Variants in TTLL9 observed in about 807,000 individuals in gnomAD.
TTLL9 encodes the protein probable tubulin polyglutamylase TTLL9.
TTLL9 carries 47 observed loss-of-function variants against 65.6 expected under a neutral mutation model. The observed-to-expected ratio is 0.72, with a 90% CI of 0.57 to 0.91. The LOEUF (loss-of-function observed/expected upper bound fraction) is 0.91. Among genes scored for constraint, TTLL9 ranks in the 40% least tolerant of loss-of-function variants. The pLI, the probability that TTLL9 is intolerant of heterozygous loss-of-function variation, is 0.00. For synonymous variants in TTLL9, 179 were observed against 204.8 expected, an observed-to-expected ratio of 0.87 and a Z score of 1.07; for missense variants, 537 against 568.8, an observed-to-expected ratio of 0.94 and a Z score of 0.57.
intron 6 of TTLL9, among the ~76,000 whole-genome samples, chr20:31,912,267 C>T (rs566462454): frequency 9.2e-5 from 14 of 152,232 alleles, no homozygotes; most frequent in South Asian, 2.1e-4. Context: ...CTACAGTGCC[C>T]GTGCAGCATC....
In TTLL9 at chr20:31,908,698, A is replaced by G. The variant is rs752145440; in HGVS notation, c.314A>G (p.Tyr105Cys). The change falls in exon 5 of 15, where the codon TAT (tyrosine) becomes TGT (cysteine). Residue 105 changes from tyrosine to cysteine, a missense_variant. Physicochemically the swap from Tyr to Cys is radical, Grantham distance 194. Coordinates refer to ENST00000535842, the MANE Select transcript of TTLL9 (RefSeq NM_001008409.5). ...CGGATCAGTCACTTCCGGAACCACTATGAGGTGAGCTGGGCAGGCGGGAGG... is the reference window on the plus strand; with the variant it reads ...CGGATCAGTCACTTCCGGAACCACTGTGAGGTGAGCTGGGCAGGCGGGAGG... ...HVRISHFRNH[Y>C]ELTRKNYMVK... is the part of the protein sequence containing the mutation. 8 of 1,613,614 alleles carry G rather than the reference A, an allele frequency of 5.0e-6. No homozygotes were observed. The highest frequency in any genetic ancestry group is 1.7e-4 in the Middle Eastern group (1 of 6,060).
At chr20:31,875,532 G>A (rs1384327612) in intron 2 of TTLL9, among the ~76,000 whole-genome samples, 5 of 152,136 alleles carry the variant, frequency 3.3e-5, no homozygotes, top group African/African-American at 1.2e-4. Context: ...TTCCAACTTC[G>A]CCTAATGCTC....
At chr20:31,936,169 C>A (rs1270793493) in intron 12 of TTLL9, among the ~76,000 whole-genome samples, 1 of 152,202 alleles carries the variant, frequency 6.6e-6, no homozygotes, top group Non-Finnish European at 1.5e-5. Context: ...TGGGGTTGAA[C>A]AAGACAAGAG....
chr20:31,908,890 A>G (rs2063601017), intron 5 of TTLL9, among the ~76,000 whole-genome samples, 188 bp downstream of exon 5: 1 of 152,124 alleles, frequency 6.6e-6, no homozygotes. Flanking sequence ...AGGCCTGAGG[A>G]CTGGAGGTCA....
chr20:31,921,972 T>TAA (rs34154431), intron 7 of TTLL9, among the ~76,000 whole-genome samples: 29 of 151,336 alleles, frequency 1.9e-4, no homozygotes, highest in East Asian at 5.8e-4. Context: ...TAAAGTATAA[T>TAA]AAAAAAAAAT....
intron 9 of TTLL9, 78 bp downstream of exon 9, chr20:31,925,127 TG>T: frequency 7.2e-7 from 1 of 1,380,214 alleles, no homozygotes. Context: ...GGAAGAGGCC[TG>T]GGGGTACCTT....
intron 3 of TTLL9, among the ~76,000 whole-genome samples, chr20:31,893,295 T>C (rs1434156341): frequency 2.0e-5 from 3 of 149,804 alleles, no homozygotes; most frequent in Non-Finnish European, 4.5e-5. Flanking sequence ...CTTTTTCTTT[T>C]TTTTTTTTTT....
At position 31,939,149 on chromosome 20, in the gene TTLL9, GGAAGGGA is replaced by G; in HGVS notation, c.1131_1137del (p.Arg377SerfsTer31). On this transcript the variant is annotated frameshift_variant, in exon 14 of 15. Transcript: ENST00000535842. LOFTEE classifies it high-confidence loss of function. ...GGCCTCCTTCCTGTCCAGGCTCACG[GGAAGGGA>G]GAAGCGAGTCGGGGGCTTTGACCTC... The G allele has an allele frequency of 6.3e-7, 1 of 1,589,210 alleles. No homozygotes were observed.
intron 3 of TTLL9, among the ~76,000 whole-genome samples, chr20:31,890,198 T>TTTCTTTCTTTCTTTCTTTCC (rs1434524249): frequency 1.4e-5 from 2 of 144,480 alleles, no homozygotes; most frequent in Non-Finnish European, 3.0e-5. Flanking sequence ...TCTTTCTTTC[T>TTTCTTTCTTTCTTTCTTTCC]TTCTCTTTCT....
intron 2 of TTLL9, among the ~76,000 whole-genome samples, chr20:31,875,224 T>C (rs1175958323): frequency 2.0e-5 from 3 of 151,746 alleles, no homozygotes; most frequent in African/African-American, 7.3e-5. Context: ...ATCTATGAAA[T>C]AGGGAGGAAA....
chr20:31,901,490 A>G (rs780215409), intron 4 of TTLL9: 11 of 152,210 alleles, frequency 7.2e-5, no homozygotes, highest in Non-Finnish European at 1.2e-4. Flanking sequence ...GATTGTGACA[A>G]TCATGAAAAT....
chr20:31,919,900 C>T lies in TTLL9; in HGVS notation c.541C>T (p.Arg181Cys), dbSNP rs183197517. The change falls in exon 7 of 15, where the codon CGT (arginine) becomes TGT (cysteine). Residue 181 changes from arginine (R) to cysteine (C), a missense_variant. This residue lies in a region of TTLL9 where 320 missense variants were observed against 311.0 expected (regional missense o/e 1.03). Transcript: ENST00000535842. Reference sequence around the variant, plus strand: ...TCAAGGGAAAGGCATCTTCCTCTTCCGTAGGCTGAAGGACATCGTGGACTG... The same window carrying T: ...TCAAGGGAAAGGCATCTTCCTCTTCTGTAGGCTGAAGGACATCGTGGACTG... The part of the protein sequence containing the change: ...RSQGKGIFLF[R>C]RLKDIVDWRK... 2.8e-5 allele frequency: 45 copies of T among 1,592,852 alleles called. No individual in the cohort carries two copies. The East Asian group carries it at 5.0e-4, about 18-fold the overall frequency.
chr20:31,898,784 G>C (rs2063426003), intron 4 of TTLL9, among the ~76,000 whole-genome samples: 1 of 152,222 alleles, frequency 6.6e-6, no homozygotes, highest in Non-Finnish European at 1.5e-5. Flanking sequence ...TATGTTCAGA[G>C]TTAGGAAACC....
intron 3 of TTLL9, among the ~76,000 whole-genome samples, chr20:31,887,855 C>CTCTTCTCTT (rs2063214982): frequency 1.7e-5 from 2 of 115,052 alleles, no homozygotes; most frequent in Non-Finnish European, 3.5e-5. Context: ...TATCTCCTCT[C>CTCTTCTCTT]CTCTTCTCTT....
Position 31,939,254 on chromosome 20 carries a change from AAC to A in TTLL9, c.1237_1238del (p.His413SerfsTer173), listed in dbSNP as rs766363481. On this transcript the variant is annotated frameshift_variant, in exon 14 of 15. Coordinates refer to ENST00000535842, the MANE Select transcript of TTLL9 (RefSeq NM_001008409.5). LOFTEE classifies it high-confidence loss of function. ...GTCGGGAATGGGAAACTTTGTGACC[AAC>A]ACACATCTCGGTATGTAGGGCCAGG... ...DLSGMGNFVT[N>X]THLGCVNDRK... The A allele has an allele frequency of 1.3e-5, 21 of 1,613,576 alleles. No homozygotes were observed. The East Asian group carries it at 4.5e-4, about 34-fold the overall frequency.
intron 2 of TTLL9, among the ~76,000 whole-genome samples, chr20:31,876,978 T>C (rs1455460833): frequency 6.6e-6 from 1 of 152,264 alleles, no homozygotes. Flanking sequence ...CATTTCTCAA[T>C]TGGCTTACTG....
chr20:31,928,813 C>T (rs2063954547), intron 10 of TTLL9, among the ~76,000 whole-genome samples: 1 of 152,076 alleles, frequency 6.6e-6, no homozygotes, highest in African/African-American at 2.4e-5. Flanking sequence ...CCATTTTTGC[C>T]TTTAAGGAAG....
chr20:31,943,661 C>A lies in TTLL9; in HGVS notation c.*640C>A, dbSNP rs2064263312. On this transcript the variant is annotated 3_prime_UTR_variant, in exon 15 of 15. Transcript: ENST00000535842. ...TGAAAACCAGTGGGACAGGGCATCC[C>A]CATTTCTCAGATGGACAAGACAGAC... is the stretch of plus-strand genomic sequence containing the variant. 2 of 451,202 alleles carry A rather than the reference C, an allele frequency of 4.4e-6. No individual in the cohort carries two copies. The highest frequency in any genetic ancestry group is 9.0e-6 in the Non-Finnish European group (2 of 223,014). 27.9% of individuals were successfully genotyped at this position (451,202 alleles called of 1,614,324 possible). A position where few individuals can be genotyped will look rare whatever the true frequency, so the allele number is the denominator to read the frequency against.
intron 7 of TTLL9, among the ~76,000 whole-genome samples, chr20:31,921,131 C>T (rs1218805383): frequency 6.6e-6 from 1 of 152,196 alleles, no homozygotes; most frequent in Non-Finnish European, 1.5e-5. Flanking sequence ...GGATGTTGAG[C>T]ACTTGCCACA....
Sources: allele counts gnomAD v4.1 joint callset (sites outside exome capture counted in the v4.1 genomes callset), GRCh38; gene constraint gnomAD v4.1.1; regional missense constraint gnomAD v4.1.1; transcripts MANE v1.5; gene names NCBI Gene and HGNC (gene_info 2026-07-23, HGNC 2026-07-21).